Variants in PPP2R2B observed in about 807,000 individuals in gnomAD.
PPP2R2B encodes protein phosphatase 2 regulatory subunit Bbeta.
In PPP2R2B, 5 loss-of-function variants were observed where a neutral mutation model predicts 46.0. That is an observed-to-expected ratio of 0.11 (90% CI 0.06 to 0.23). The LOEUF (loss-of-function observed/expected upper bound fraction) is 0.23. Ranked by LOEUF, PPP2R2B falls within the 10% of genes least tolerant of loss-of-function variation. The pLI, the probability that PPP2R2B is intolerant of heterozygous loss-of-function variation, is 1.00. For missense variants in PPP2R2B, 367 were observed against 575.0 expected, an observed-to-expected ratio of 0.64 and a Z score of 3.70; for synonymous variants, 215 against 206.7, an observed-to-expected ratio of 1.04 and a Z score of -0.34.
At chr5:146,750,870 T>C (rs1198868723) in intron 2 of PPP2R2B, among the ~76,000 whole-genome samples, 1 of 152,102 alleles carries the variant, frequency 6.6e-6, no homozygotes, top group Non-Finnish European at 1.5e-5. Flanking sequence ...TCCAGCAGCC[T>C]CTCTGTGGTC....
At chr5:146,960,128 A>C (rs1376364527) in intron 1 of PPP2R2B, among the ~76,000 whole-genome samples, 2 of 152,190 alleles carry the variant, frequency 1.3e-5, no homozygotes, top group Admixed American at 1.3e-4. Context: ...ATCTACCTCC[A>C]GCTGTGTTCT....
intron 2 of PPP2R2B, among the ~76,000 whole-genome samples, chr5:146,782,875 G>A (rs1178035149): frequency 6.6e-6 from 1 of 152,044 alleles, no homozygotes; most frequent in Non-Finnish European, 1.5e-5. Flanking sequence ...GAGGGGGAAG[G>A]AAGGGAGGCA....
chr5:146,585,289 C>CAG lies in PPP2R2B; in HGVS notation c.*4657_*4658insCT, dbSNP rs1375607516. On this transcript the variant is annotated 3_prime_UTR_variant, in exon 10 of 10. Transcript: ENST00000394411. Reference sequence around the variant, plus strand: ...ACACACACACACACACACACACACACACACACACACACATAATGTATGATG... The same window carrying CAG: ...ACACACACACACACACACACACACACAGACACACACACACATAATGTATGATG... 2.7e-4 allele frequency: 41 copies of CAG among 152,802 alleles called. No individual in the cohort carries two copies. Among genetic ancestry groups the CAG allele is most frequent in the Non-Finnish European group, 3.5e-4 (24 of 68,772 alleles). The allele number at this position is 152,802 out of a possible 1,614,324, so 9.5% of individuals were successfully genotyped here.
Position 146,642,334 on chromosome 5 carries a change from G to A in PPP2R2B, c.626-3919C>T, listed in dbSNP as rs114428017. On this transcript the variant is annotated intron_variant, in intron 6 of 9. Transcript: ENST00000394411. The stretch of plus-strand genomic sequence containing the variant: ...CACAAATGGTTCATCAGTGTGGGAT[G>A]AGGGAATGGAGAGGGTCATGGCAGG... Among the ~76,000 whole-genome samples, 1,351 of 152,342 alleles carry A rather than the reference G, an allele frequency of 8.9e-3. 22 individuals carry two copies. The highest frequency in any genetic ancestry group is 0.031 in the African/African-American group (1,279 of 41,570).
chr5:146,715,781 T>C (rs1222563612), intron 2 of PPP2R2B, among the ~76,000 whole-genome samples: 2 of 152,160 alleles, frequency 1.3e-5, no homozygotes, highest in African/African-American at 2.4e-5. Flanking sequence ...CCTTCTATTA[T>C]TTCTTGTTCC....
At chr5:146,636,052 A>G (rs17448496) in intron 7 of PPP2R2B, among the ~76,000 whole-genome samples, 28,845 of 152,192 alleles carry the variant, frequency 0.19, 2,988 homozygotes, top group Non-Finnish European at 0.23. Context: ...TTCTTGATCT[A>G]GGTTCCAAAT....
chr5:146,959,527 A>G (rs1415050168), intron 1 of PPP2R2B, among the ~76,000 whole-genome samples: 1 of 152,120 alleles, frequency 6.6e-6, no homozygotes, highest in East Asian at 1.9e-4. Context: ...ACAAATATTT[A>G]TATATGCATG....
chr5:146,775,175 A>G (rs553525528), intron 2 of PPP2R2B, among the ~76,000 whole-genome samples: 1 of 152,206 alleles, frequency 6.6e-6, no homozygotes, highest in Non-Finnish European at 1.5e-5. Context: ...CTAAAGTCAG[A>G]CAGACAACAC....
chr5:146,729,022 G>A (rs1463770744), intron 2 of PPP2R2B, among the ~76,000 whole-genome samples: 1 of 150,168 alleles, frequency 6.7e-6, no homozygotes, highest in Non-Finnish European at 1.5e-5. Context: ...GATTGGAAAA[G>A]TTTGAAGGGC....
chr5:147,005,738 A>G (rs1754406709), intron 1 of PPP2R2B, among the ~76,000 whole-genome samples: 1 of 152,136 alleles, frequency 6.6e-6, no homozygotes, highest in Admixed American at 6.6e-5. Context: ...AGAGAAACAG[A>G]AAGTCAAAGA....
intron 7 of PPP2R2B, 34 bp from the exon 8 acceptor site, chr5:146,600,494 C>T: frequency 6.2e-7 from 1 of 1,603,292 alleles, no homozygotes; most frequent in East Asian, 2.2e-5. Context: ...ACAAATTTAG[C>T]AATCCTTATC....
intron 1 of PPP2R2B, among the ~76,000 whole-genome samples, chr5:146,963,798 G>A (rs1198014274): frequency 1.3e-5 from 2 of 152,180 alleles, no homozygotes; most frequent in East Asian, 3.9e-4. Context: ...TAAAATTCTG[G>A]CTTTGTTTAA....
intron 1 of PPP2R2B, among the ~76,000 whole-genome samples, chr5:147,046,472 A>G (rs1443022365): frequency 2.0e-5 from 3 of 152,178 alleles, no homozygotes; most frequent in African/African-American, 7.2e-5. Context: ...TCAGAAAACT[A>G]ATGAGCCAGT....
intron 5 of PPP2R2B, among the ~76,000 whole-genome samples, chr5:146,653,343 T>C (rs181974039): frequency 6.6e-5 from 10 of 152,314 alleles, no homozygotes; most frequent in Admixed American, 2.6e-4. Context: ...GGTAGTGGTA[T>C]TCATAGTAGT....
chr5:146,913,483 G>A (rs193253296), intron 1 of PPP2R2B, among the ~76,000 whole-genome samples: 1 of 152,092 alleles, frequency 6.6e-6, no homozygotes, highest in East Asian at 1.9e-4. Context: ...CCAACATATA[G>A]TTCCAGTAAT....
At chr5:146,856,713 C>T (rs1760692752) in intron 2 of PPP2R2B, 2 of 670,820 alleles carry the variant, frequency 3.0e-6, no homozygotes, top group African/African-American at 3.6e-5. Context: ...TTGCTCCAGG[C>T]CTGTCAAAAT....
intron 9 of PPP2R2B, 110 bp from the exon 10 acceptor site, chr5:146,590,336 A>C (rs958565770): frequency 1.5e-4 from 176 of 1,158,250 alleles, no homozygotes; most frequent in Middle Eastern, 6.1e-4. Flanking sequence ...TATTAAAAAC[A>C]AAAACCAAAA....
intron 1 of PPP2R2B, among the ~76,000 whole-genome samples, chr5:146,903,391 CTTTTTTT>C (rs58777308): frequency 8.3e-6 from 1 of 120,852 alleles, no homozygotes; most frequent in South Asian, 2.8e-4. Flanking sequence ...CTTTCTTTCT[CTTTTTTT>C]TTTTTTTTTT....
intron 1 of PPP2R2B, among the ~76,000 whole-genome samples, chr5:146,959,145 G>A (rs1169994973): frequency 6.6e-6 from 1 of 152,152 alleles, no homozygotes; most frequent in Non-Finnish European, 1.5e-5. Context: ...TAGAAACCTG[G>A]AAATTCTAAG....
Sources: gnomAD v4.1 joint callset for allele counts (sites outside exome capture counted in the v4.1 genomes callset) on GRCh38, gnomAD v4.1.1 for gene constraint, MANE v1.5 for transcripts, NCBI Gene and HGNC (gene_info 2026-07-23, HGNC 2026-07-21) for gene names.